The following MGMT variants were observed in gnomAD, a reference collection of about 807,000 sequenced individuals.
MGMT encodes the protein O-6-methylguanine-DNA methyltransferase, also known as methylated-DNA--protein-cysteine methyltransferase.
In MGMT, 14 loss-of-function variants were observed where a neutral mutation model predicts 15.9. The ratio of observed to expected loss-of-function variants is 0.88; its 90% confidence interval spans 0.58 to 1.37. The LOEUF is 1.37. Ranked by LOEUF, MGMT falls within the 40% of genes most tolerant of loss-of-function variation. The probability of loss-of-function intolerance (pLI) is 0.00; values close to 1 mark genes in which losing one functional copy is unlikely to be tolerated. For synonymous variants in MGMT, 130 were observed against 118.2 expected (o/e 1.10, Z -0.65); for missense variants, 282 against 268.1 (o/e 1.05, Z -0.36).
At chr10:129,514,220 A>C (rs919347052) in intron 1 of MGMT, among the ~76,000 whole-genome samples, 8 of 152,256 alleles carry the variant, frequency 5.3e-5, no homozygotes, top group African/African-American at 1.9e-4. Context: ...GATAGTGAGA[A>C]TATATCAATA....
intron 2 of MGMT, among the ~76,000 whole-genome samples, chr10:129,576,512 G>A (rs1030917711): frequency 5.9e-5 from 9 of 152,074 alleles, no homozygotes; most frequent in East Asian, 1.9e-4. Flanking sequence ...CTCTCAATAA[G>A]TTAGGTATTG....
At chr10:129,572,460 C>A (rs578932) in intron 2 of MGMT, among the ~76,000 whole-genome samples, 59,735 of 152,064 alleles carry the variant, frequency 0.39, 12,529 homozygotes, top group East Asian at 0.61. Flanking sequence ...GGTCTTCCTG[C>A]TCTACTTACT....
chr10:129,560,926 TTC>T (rs1377295475), intron 2 of MGMT, among the ~76,000 whole-genome samples: 22 of 151,544 alleles, frequency 1.5e-4, no homozygotes, highest in Non-Finnish European at 3.1e-4. Flanking sequence ...TTCAGACATT[TTC>T]TCTCCAGCTG....
chr10:129,737,618 A>C (rs1325528462), intron 3 of MGMT, among the ~76,000 whole-genome samples: 9 of 152,234 alleles, frequency 5.9e-5, no homozygotes, highest in Non-Finnish European at 1.0e-4. Flanking sequence ...CCTTTGGAGG[A>C]GGAGAGGCGC....
intron 3 of MGMT, among the ~76,000 whole-genome samples, chr10:129,757,545 G>A (rs1248806871): frequency 6.6e-6 from 1 of 152,194 alleles, no homozygotes; most frequent in African/African-American, 2.4e-5. Context: ...CGGTATTGAC[G>A]TGCTGCTTTC....
intron 2 of MGMT, among the ~76,000 whole-genome samples, chr10:129,537,559 T>C (rs952814418): frequency 1.3e-5 from 2 of 152,108 alleles, no homozygotes; most frequent in Non-Finnish European, 2.9e-5. Flanking sequence ...AAATTATGTG[T>C]TGGTTTTTTT....
chr10:129,539,425 C>T (rs544409103), intron 2 of MGMT, among the ~76,000 whole-genome samples: 1 of 152,270 alleles, frequency 6.6e-6, no homozygotes, highest in South Asian at 2.1e-4. Context: ...CTGTTTTGCT[C>T]TGTTTGGTTC....
At chr10:129,733,695 C>A (rs1333680444) in intron 3 of MGMT, among the ~76,000 whole-genome samples, 1 of 151,898 alleles carries the variant, frequency 6.6e-6, no homozygotes, top group East Asian at 1.9e-4. Flanking sequence ...GGTTTTAGGT[C>A]TAACGTTTAA....
chr10:129,554,760 T>C (rs979755626), intron 2 of MGMT, among the ~76,000 whole-genome samples: 3 of 152,196 alleles, frequency 2.0e-5, no homozygotes, highest in Admixed American at 6.5e-5. Context: ...GCCCCTCCGT[T>C]CTTGTACTTA....
intron 2 of MGMT, among the ~76,000 whole-genome samples, chr10:129,605,407 A>G (rs1418241542): frequency 6.6e-6 from 1 of 152,124 alleles, no homozygotes; most frequent in Non-Finnish European, 1.5e-5. Context: ...TTCTGTTTTC[A>G]TGGGCCCCTG....
At chr10:129,571,219 T>C (rs1228250394) in intron 2 of MGMT, among the ~76,000 whole-genome samples, 1 of 152,224 alleles carries the variant, frequency 6.6e-6, no homozygotes, top group Non-Finnish European at 1.5e-5. Context: ...ACATATTCTT[T>C]ACACACCTCA....
At chr10:129,726,263 G>C (rs1848432210) in intron 3 of MGMT, among the ~76,000 whole-genome samples, 1 of 152,170 alleles carries the variant, frequency 6.6e-6, no homozygotes, top group Non-Finnish European at 1.5e-5. Flanking sequence ...TCTGACTCCA[G>C]AATGCAAGCT....
chr10:129,739,270 C>T lies in MGMT; in HGVS notation c.275-19932C>T, dbSNP rs1271695963. ...GACAAGGATGCAGTCTCTCACCACT[C>T]CTGTTCAACATACTGCTGGAAGTTC... On this transcript the variant is annotated intron_variant, in intron 3 of 4. Transcript: ENST00000651593. Among the ~76,000 whole-genome samples, 3 of 152,188 alleles carry T rather than the reference C, an allele frequency of 2.0e-5. No individual in the cohort carries two copies. In the South Asian group the frequency reaches 6.2e-4, roughly 32 times the overall value.
At chr10:129,623,115 A>G (rs1847108417) in intron 2 of MGMT, among the ~76,000 whole-genome samples, 1 of 152,220 alleles carries the variant, frequency 6.6e-6, no homozygotes, top group African/African-American at 2.4e-5. Context: ...TGCGTAGTGT[A>G]GGGTGCTGTA....
intron 2 of MGMT, among the ~76,000 whole-genome samples, chr10:129,579,664 A>C (rs1200474264): frequency 1.3e-5 from 2 of 152,104 alleles, no homozygotes; most frequent in African/African-American, 4.8e-5. Context: ...CATAATTTTG[A>C]GTTTCTTCTT....
At chr10:129,728,126 GGGA>G (rs569670869) in intron 3 of MGMT, among the ~76,000 whole-genome samples, 1 of 152,184 alleles carries the variant, frequency 6.6e-6, no homozygotes, top group Non-Finnish European at 1.5e-5. Context: ...GGGTGAGAGA[GGGA>G]GGAGGGGACA....
intron 2 of MGMT, among the ~76,000 whole-genome samples, chr10:129,652,633 G>C (rs762744222): frequency 2.2e-4 from 34 of 152,230 alleles, no homozygotes; most frequent in Admixed American, 7.8e-4. Flanking sequence ...CCCCGCAGTG[G>C]CTGCTGCTGT....
At chr10:129,561,972 G>A (rs1846285514) in intron 2 of MGMT, among the ~76,000 whole-genome samples, 1 of 152,140 alleles carries the variant, frequency 6.6e-6, no homozygotes, top group African/African-American at 2.4e-5. Context: ...TGTATAATAT[G>A]GACCCTCGAA....
chr10:129,565,726 G>T (rs1238357998), intron 2 of MGMT, among the ~76,000 whole-genome samples: 2 of 152,122 alleles, frequency 1.3e-5, no homozygotes, highest in African/African-American at 2.4e-5. Context: ...ACGTGGTGAT[G>T]GAAGAAGACC....
Sources: gnomAD v4.1 joint callset for allele counts (sites outside exome capture counted in the v4.1 genomes callset) on GRCh38, gnomAD v4.1.1 for gene constraint, MANE v1.5 for transcripts, NCBI Gene and HGNC (gene_info 2026-07-23, HGNC 2026-07-21) for gene names.